The following FAAH2 variants were observed in gnomAD, a reference collection of about 807,000 sequenced individuals.
The protein encoded by FAAH2 is fatty-acid amide hydrolase 2.
In FAAH2, 60 loss-of-function variants were observed where a neutral mutation model predicts 36.9. The observed-to-expected ratio is 1.63, with a 90% CI of 1.32 to 2.02. The LOEUF (loss-of-function observed/expected upper bound fraction) is 2.02. FAAH2 is among the 30% of genes most tolerant of loss of function. The pLI is 0.00. For synonymous variants in FAAH2, 214 were observed against 143.8 expected (o/e 1.49, Z -3.49); for missense variants, 689 against 397.5 (o/e 1.73, Z -6.23).
At chrX:57,174,030 A>AT in the FAAH2 span, among the ~76,000 whole-genome samples, 5 of 110,455 alleles carry the variant, frequency 4.5e-5, no homozygotes, top group Admixed American at 9.7e-5. Flanking sequence ...TGTAGTTTTC[A>AT]TTTTTTATGC....
chrX:57,285,299 A>G (rs1210243756), upstream of FAAH2, among the ~76,000 whole-genome samples: 1 of 111,983 alleles, frequency 8.9e-6, no homozygotes, highest in African/African-American at 3.3e-5. Context: ...AAGACCTTAA[A>G]TGCCAAGCTC....
At chrX:57,240,518 A>C in the FAAH2 span, among the ~76,000 whole-genome samples, 1 of 111,547 alleles carries the variant, frequency 9.0e-6, no homozygotes, top group African/African-American at 3.3e-5. Flanking sequence ...TTGTGTCAGC[A>C]GGATCGGTGT....
the FAAH2 span, among the ~76,000 whole-genome samples, chrX:57,253,790 G>A: frequency 9.1e-6 from 1 of 110,345 alleles, no homozygotes; most frequent in Non-Finnish European, 1.9e-5. Flanking sequence ...GAAAGGAAAG[G>A]AGCAACCCAT....
intron 8 of FAAH2, among the ~76,000 whole-genome samples, chrX:57,446,104 TG>T (rs1357528124): frequency 7.1e-5 from 8 of 112,190 alleles, no homozygotes; most frequent in African/African-American, 2.6e-4. Context: ...AGGGCAGGAC[TG>T]GGTTGCAATG....
the FAAH2 span, among the ~76,000 whole-genome samples, chrX:57,267,836 G>GA: frequency 9.0e-6 from 1 of 111,554 alleles, no homozygotes; most frequent in Non-Finnish European, 1.9e-5. Flanking sequence ...TAGGATAAAA[G>GA]AAAAAAAATT....
chrX:57,199,156 T>C, the FAAH2 span, among the ~76,000 whole-genome samples: 1 of 111,688 alleles, frequency 9.0e-6, no homozygotes, highest in Non-Finnish European at 1.9e-5. Flanking sequence ...TCTACTTTGC[T>C]CCTTCTTTTG....
chrX:57,421,626 T>A (rs145284559), intron 7 of FAAH2, among the ~76,000 whole-genome samples: 78 of 111,348 alleles, frequency 7.0e-4, no homozygotes, highest in African/African-American at 2.4e-3. Flanking sequence ...AGCCTCACTC[T>A]TATGATCTCA....
chrX:57,302,295 G>A (rs895203641), intron 2 of FAAH2, among the ~76,000 whole-genome samples: 6 of 111,829 alleles, frequency 5.4e-5, no homozygotes, highest in African/African-American at 1.9e-4. Context: ...TTCTAAAGGG[G>A]AAAATAATAT....
In FAAH2 at chrX:57,473,987, G is replaced by T. The variant is rs2057217117; in HGVS notation, c.1424-14770G>T. Among the ~76,000 whole-genome samples the T allele has an allele frequency of 1.8e-5, 2 of 111,086 alleles. 1 individual carries two copies. The highest frequency in any genetic ancestry group is 7.6e-4 in the South Asian group (2 of 2,645). On this transcript the variant is annotated intron_variant, in intron 10 of 10. Transcript: ENST00000374900. ...TGTATCCTTTAAGTGGAGTATTTAT[G>T]CCATTTACATGCAAGATTAATATTG...
At chrX:57,178,547 G>A in the FAAH2 span, among the ~76,000 whole-genome samples, 1 of 111,203 alleles carries the variant, frequency 9.0e-6, no homozygotes, top group Non-Finnish European at 1.9e-5. Context: ...ATACTACCAC[G>A]GCAAGAAAAG....
chrX:57,401,549 G>A (rs758080007), intron 7 of FAAH2, among the ~76,000 whole-genome samples: 27 of 111,467 alleles, frequency 2.4e-4, no homozygotes, highest in South Asian at 7.7e-4. Flanking sequence ...TTCTCTGTCC[G>A]TTGGGTTTCT....
At chrX:57,479,114 C>G (rs1244023645) in intron 10 of FAAH2, among the ~76,000 whole-genome samples, 4 of 111,689 alleles carry the variant, frequency 3.6e-5, no homozygotes, top group Non-Finnish European at 7.5e-5. Flanking sequence ...TTCTTCCTAC[C>G]AATGAGTATG....
the FAAH2 span, among the ~76,000 whole-genome samples, chrX:57,184,189 C>A: frequency 9.0e-6 from 1 of 111,715 alleles, no homozygotes; most frequent in East Asian, 2.8e-4. Flanking sequence ...CTTTGTTGGA[C>A]CCTTATCAGT....
At chrX:57,280,535 T>A in the FAAH2 span, among the ~76,000 whole-genome samples, 33 of 104,741 alleles carry the variant, frequency 3.2e-4, no homozygotes, top group South Asian at 8.3e-4. Flanking sequence ...GGCTAAAATT[T>A]AAAAAAAAAA....
chrX:57,282,647 G>C (rs1245063458), upstream of FAAH2, among the ~76,000 whole-genome samples: 2 of 111,843 alleles, frequency 1.8e-5, no homozygotes, highest in African/African-American at 6.5e-5. Flanking sequence ...TTTATTTGTA[G>C]CTTAGTTCTT....
At chrX:57,294,322 A>G (rs1456764169) in intron 2 of FAAH2, among the ~76,000 whole-genome samples, 1 of 112,272 alleles carries the variant, frequency 8.9e-6, no homozygotes, top group African/African-American at 3.2e-5. Context: ...TAGTAGGAAG[A>G]TATGTGAACT....
the FAAH2 span, among the ~76,000 whole-genome samples, chrX:57,251,729 C>G: frequency 9.0e-6 from 1 of 111,647 alleles, no homozygotes; most frequent in Non-Finnish European, 1.9e-5. Context: ...AGAGTCGCTT[C>G]CAAGACGGCC....
chrX:57,257,533 T>C, the FAAH2 span, among the ~76,000 whole-genome samples: 1 of 108,090 alleles, frequency 9.3e-6, no homozygotes, highest in African/African-American at 3.4e-5. Flanking sequence ...TCACACACCA[T>C]TGCCTGTCGG....
chrX:57,299,102 T>C (rs1418095160), intron 2 of FAAH2, among the ~76,000 whole-genome samples: 1 of 111,641 alleles, frequency 9.0e-6, no homozygotes, highest in Non-Finnish European at 1.9e-5. Context: ...TAACTCATTT[T>C]ATGAGGCCAG....
Sources: allele counts gnomAD v4.1 joint callset (sites outside exome capture counted in the v4.1 genomes callset), GRCh38; gene constraint gnomAD v4.1.1; transcripts MANE v1.5; gene names NCBI Gene and HGNC (gene_info 2026-07-23, HGNC 2026-07-21).